AP4E1: variants seen among roughly 807,000 people sequenced by gnomAD.
AP4E1 encodes the protein adaptor related protein complex 4 subunit epsilon 1.
Under a neutral mutation model 128.2 loss-of-function variants are expected in AP4E1, and 56 were observed. The ratio of observed to expected loss-of-function variants is 0.44; its 90% CI spans 0.35 to 0.55. The LOEUF (loss-of-function observed/expected upper bound fraction) is 0.55. Among genes scored for constraint, AP4E1 ranks in the 20% least tolerant of loss-of-function variants. The pLI is 0.00. For synonymous variants in AP4E1, 484 were observed against 473.1 expected, an observed-to-expected ratio of 1.02 and a Z score of -0.30; for missense variants, 1,324 against 1,307.7, an observed-to-expected ratio of 1.01 and a Z score of -0.19.
At chr15:50,982,784 T>C (rs951573431) in intron 15 of AP4E1, among the ~76,000 whole-genome samples, 2 of 152,208 alleles carry the variant, frequency 1.3e-5, no homozygotes, top group Non-Finnish European at 2.9e-5. Context: ...ATAGGTGATA[T>C]TTCCTTTGGA....
At chr15:50,908,598 G>C, upstream of AP4E1, 1 of 773,416 alleles carries the variant, frequency 1.3e-6, no homozygotes, top group African/African-American at 1.9e-5. Context: ...GCGGTCTCTT[G>C]CGCCCTCTGG....
intron 16 of AP4E1, among the ~76,000 whole-genome samples, chr15:50,984,578 A>T (rs1285885569): frequency 6.7e-6 from 1 of 149,886 alleles, no homozygotes; most frequent in Non-Finnish European, 1.5e-5. Context: ...TGTCCTTGCG[A>T]TAGTTTGCTG....
chr15:50,983,080 G>A (rs2064664616), intron 15 of AP4E1, among the ~76,000 whole-genome samples: 1 of 152,152 alleles, frequency 6.6e-6, no homozygotes, highest in Non-Finnish European at 1.5e-5. Flanking sequence ...AACAAAGTGG[G>A]ACCTCATACA....
At chr15:50,951,010 C>T (rs2064141991) in intron 13 of AP4E1, among the ~76,000 whole-genome samples, 1 of 152,114 alleles carries the variant, frequency 6.6e-6, no homozygotes, top group Non-Finnish European at 1.5e-5. Flanking sequence ...TTTCTTTATC[C>T]AGTCTATCAT....
chr15:50,919,059 T>A (rs2063662669), intron 3 of AP4E1, among the ~76,000 whole-genome samples: 3 of 151,528 alleles, frequency 2.0e-5, no homozygotes, highest in Admixed American at 2.0e-4. Context: ...TGAAACCCTG[T>A]CTCTACTAAA....
intron 7 of AP4E1, among the ~76,000 whole-genome samples, chr15:50,933,884 G>T (rs1050348648): frequency 6.6e-6 from 1 of 151,864 alleles, no homozygotes; most frequent in Non-Finnish European, 1.5e-5. Flanking sequence ...TGTGTTGCTG[G>T]TATTTTTTTT....
At chr15:50,938,519 T>C (rs1015534625) in intron 8 of AP4E1, among the ~76,000 whole-genome samples, 13 of 152,146 alleles carry the variant, frequency 8.5e-5, no homozygotes, top group South Asian at 2.1e-4. Flanking sequence ...TGGAATTTCA[T>C]TGATGCCAGG....
At chr15:50,951,292 T>G (rs913249047) in intron 13 of AP4E1, among the ~76,000 whole-genome samples, 1 of 152,200 alleles carries the variant, frequency 6.6e-6, no homozygotes, top group African/African-American at 2.4e-5. Context: ...GTGGCTGAGT[T>G]TTTGTGACTG....
intron 6 of AP4E1, 128 bp from the exon 7 acceptor site, chr15:50,930,677 C>A: frequency 1.1e-6 from 1 of 913,348 alleles, no homozygotes; most frequent in Non-Finnish European, 1.7e-6. Context: ...CATATTAGAG[C>A]ACTGTTTCAT....
intron 3 of AP4E1, among the ~76,000 whole-genome samples, chr15:50,920,095 AGAT>A (rs2063679243): frequency 7.6e-5 from 11 of 143,888 alleles, no homozygotes; most frequent in East Asian, 2.1e-4. Flanking sequence ...AAAAAAAAAA[AGAT>A]AAAATTTATG....
Position 50,968,376 on chromosome 15 carries a change from A to G in AP4E1, c.1965A>G (p.Lys655=). ...QRQEEKLSQE[K]VLNFEPYGLS... ...AGGAGGAAAAGCTTTCTCAGGAAAA[A>G]GGTAATTTTTCATGGATTTATGATA... Residue 655 remains lysine, a splice_region_variant and synonymous_variant, in exon 15 of 21, where the codon AAA becomes AAG. Coordinates refer to ENST00000261842, the MANE Select transcript of AP4E1 (RefSeq NM_007347.5). 1.2e-6 allele frequency: 2 copies of G among 1,609,180 alleles called. No individual in the cohort carries two copies. The highest frequency in any genetic ancestry group is 2.2e-5 in the South Asian group (2 of 90,628).
At position 50,999,274 on chromosome 15, in the gene AP4E1, G is replaced by A. The variant is rs775771217; in HGVS notation, c.3095+12G>A. ...TTAGATTTCATTAGGTAAATGTTTT[G>A]TGAAATGTTAATTCAAGTTGTTAAT... On this transcript the variant is annotated intron_variant, in intron 19 of 20. Transcript: ENST00000261842. 3.1e-6 allele frequency: 5 copies of A among 1,602,386 alleles called. No individual in the cohort carries two copies. The highest frequency in any genetic ancestry group is 1.3e-5 in the African/African-American group (1 of 74,758).
rs558806164 is a variant in AP4E1 at position 50,968,533 on chromosome 15, C to A, written c.1966+156C>A. Among the ~76,000 whole-genome samples the A allele has an allele frequency of 7.6e-4, 114 of 150,786 alleles. 1 individual carries two copies. The highest frequency in any genetic ancestry group is 2.7e-3 in the African/African-American group (110 of 41,172). On this transcript the variant is annotated intron_variant, in intron 15 of 20. Transcript: ENST00000261842. Reference sequence around the variant, plus strand: ...TGCCGTGACTAGGTTTTCAGATATCCAGAGGAAAAAAAAAAGTTAGCCAAG... The same window carrying A: ...TGCCGTGACTAGGTTTTCAGATATCAAGAGGAAAAAAAAAAGTTAGCCAAG...
intron 15 of AP4E1, among the ~76,000 whole-genome samples, chr15:50,978,461 G>A (rs368759662): frequency 2.6e-4 from 40 of 152,068 alleles, no homozygotes; most frequent in Non-Finnish European, 3.5e-4. Context: ...TAGCCAAGTC[G>A]TCAAGGTATA....
At chr15:50,962,184 A>G (rs1423046159) in intron 14 of AP4E1, among the ~76,000 whole-genome samples, 1 of 152,060 alleles carries the variant, frequency 6.6e-6, no homozygotes, top group Admixed American at 6.6e-5. Context: ...AAATGCCCAT[A>G]CTACTCAAAC....
In AP4E1 at chr15:50,997,571, T is replaced by G. The variant is rs1483846437; in HGVS notation, c.2592T>G (p.Val864=). 3 of 1,614,108 alleles carry G rather than the reference T, an allele frequency of 1.9e-6. No individual in the cohort carries two copies. The South Asian group carries it at 3.3e-5, about 18-fold the overall frequency. ...DSESLTELPL[V]EKFSYCSLST... is the part of the protein sequence containing the mutation. ...AGTCACTCACAGAACTGCCCTTGGTTGAGAAATTCTCATATTGTAGTCTGT... is the reference window on the plus strand; with the variant it reads ...AGTCACTCACAGAACTGCCCTTGGTGGAGAAATTCTCATATTGTAGTCTGT... Residue 864 remains valine (V), a synonymous_variant, in exon 18 of 21, where the codon GTT becomes GTG. Transcript: ENST00000261842.
At chr15:50,911,473 C>T (rs1473159691) in intron 1 of AP4E1, among the ~76,000 whole-genome samples, 1 of 143,596 alleles carries the variant, frequency 7.0e-6, no homozygotes, top group Admixed American at 7.4e-5. Context: ...TCTCTCTCCA[C>T]CTTTAATTTT....
At chr15:50,923,467 C>G (rs4775910) in intron 3 of AP4E1, among the ~76,000 whole-genome samples, 120,895 of 152,116 alleles carry the variant, frequency 0.79, 48,123 homozygotes, top group African/African-American at 0.86. Context: ...ACATCATGTG[C>G]GTTGACATTA....
In AP4E1 at chr15:50,997,554, A is replaced by G. The variant is rs576113749; in HGVS notation, c.2575A>G (p.Thr859Ala). 2 of 1,614,102 alleles carry G rather than the reference A, an allele frequency of 1.2e-6. No homozygotes were observed. Among genetic ancestry groups the G allele is most frequent in the East Asian group, 2.2e-5 (1 of 44,850 alleles). The change falls in exon 18 of 21, where the codon ACA becomes GCA. Residue 859 changes from threonine (T) to alanine (A), a missense_variant. Coordinates refer to ENST00000261842, the MANE Select transcript of AP4E1 (RefSeq NM_007347.5). The stretch of plus-strand genomic sequence containing the variant: ...AGAACTTTTGGATTCTGAGTCACTC[A>G]CAGAACTGCCCTTGGTTGAGAAATT... ...TSELLDSESL[T>A]ELPLVEKFSY...
Sources: gnomAD v4.1 joint callset for allele counts (sites outside exome capture counted in the v4.1 genomes callset) on GRCh38, gnomAD v4.1.1 for gene constraint, MANE v1.5 for transcripts, NCBI Gene and HGNC (gene_info 2026-07-23, HGNC 2026-07-21) for gene names.